Variants in CNTNAP2 observed in about 807,000 individuals in gnomAD.
CNTNAP2 encodes contactin associated protein 2.
CNTNAP2 carries 98 observed loss-of-function variants against 155.2 expected under a neutral mutation model. The observed-to-expected ratio is 0.63, with a 90% confidence interval of 0.54 to 0.75. CNTNAP2 has a LOEUF of 0.75. Ranked by LOEUF, CNTNAP2 falls within the 30% of genes least tolerant of loss-of-function variation. The pLI, the probability that CNTNAP2 is intolerant of heterozygous loss-of-function variation, is 0.00. For missense variants in CNTNAP2, 1,727 were observed against 1,688.1 expected (o/e 1.02, Z -0.40); for synonymous variants, 651 against 631.2 (o/e 1.03, Z -0.47).
intron 13 of CNTNAP2, among the ~76,000 whole-genome samples, chr7:147,764,998 G>C (rs1409389757): frequency 1.3e-5 from 2 of 152,148 alleles, no homozygotes; most frequent in East Asian, 1.9e-4. Flanking sequence ...TCATAATGCT[G>C]CTGAAGCTGG....
chr7:146,277,145 C>T (rs571662419), intron 1 of CNTNAP2, among the ~76,000 whole-genome samples: 4 of 152,074 alleles, frequency 2.6e-5, no homozygotes, highest in Non-Finnish European at 4.4e-5. Flanking sequence ...CACAAACCAA[C>T]GGAGGCCTGG....
chr7:146,368,477 G>C, intron 1 of CNTNAP2, among the ~76,000 whole-genome samples: 1 of 152,074 alleles, frequency 6.6e-6, no homozygotes, highest in East Asian at 1.9e-4. Context: ...GTTTAGAGCT[G>C]GCTCTGCCAG....
chr7:148,214,326 T>C (rs1397061956), intron 18 of CNTNAP2, among the ~76,000 whole-genome samples: 1 of 152,196 alleles, frequency 6.6e-6, no homozygotes. Flanking sequence ...GAGATGGGGT[T>C]CTCATCACAT....
intron 12 of CNTNAP2, among the ~76,000 whole-genome samples, chr7:147,564,094 C>T (rs142467273): frequency 9.2e-5 from 14 of 152,108 alleles, no homozygotes; most frequent in African/African-American, 1.4e-4. Context: ...CCTTGAGCCC[C>T]GGAGGTTCGA....
intron 4 of CNTNAP2, among the ~76,000 whole-genome samples, chr7:147,049,564 C>T (rs989474891): frequency 2.6e-4 from 39 of 152,048 alleles, no homozygotes; most frequent in African/African-American, 8.5e-4. Flanking sequence ...AGACACAGCC[C>T]CCCATTTTGG....
chr7:146,215,500 A>C (rs1175941161), intron 1 of CNTNAP2, among the ~76,000 whole-genome samples: 1 of 152,136 alleles, frequency 6.6e-6, no homozygotes, highest in Non-Finnish European at 1.5e-5. Context: ...TCACTAGATA[A>C]GTGATTCTGA....
intron 10 of CNTNAP2, among the ~76,000 whole-genome samples, chr7:147,465,964 A>G (rs1387910340): frequency 6.6e-6 from 1 of 152,244 alleles, no homozygotes; most frequent in African/African-American, 2.4e-5. Flanking sequence ...AAACATTGCC[A>G]TATTTATATC....
intron 13 of CNTNAP2, among the ~76,000 whole-genome samples, chr7:147,689,538 A>T (rs186499762): frequency 1.1e-3 from 166 of 152,220 alleles, no homozygotes; most frequent in Non-Finnish European, 2.0e-3. Context: ...CATTTGTCCG[A>T]TTTCTTTCTG....
intron 13 of CNTNAP2, among the ~76,000 whole-genome samples, chr7:147,899,892 C>CA (rs11366376): frequency 0.067 from 9,543 of 141,724 alleles, 662 homozygotes; most frequent in East Asian, 0.17. Flanking sequence ...GACTCCATCT[C>CA]AAAAAAAAAA....
At chr7:148,067,065 T>C (rs1451809606) in intron 15 of CNTNAP2, among the ~76,000 whole-genome samples, 1 of 152,224 alleles carries the variant, frequency 6.6e-6, no homozygotes, top group African/African-American at 2.4e-5. Context: ...CCTCCTTGAG[T>C]ATCTTAATAA....
At position 147,044,611 on chromosome 7, in the gene CNTNAP2, T is replaced by A. The variant is rs188526364; in HGVS notation, c.550+557T>A. ...GGTCATCTAAAGAGGTTATTTTCCC[T>A]TAAATATATTTTAAAGCTCCCTTGT... On this transcript the variant is annotated intron_variant, in intron 4 of 23. Transcript: ENST00000361727. 9.5e-4 allele frequency among the ~76,000 whole-genome samples: 145 copies of A among 152,322 alleles called. 1 individual carries two copies. The highest frequency in any genetic ancestry group is 4.9e-3 in the Admixed American group (75 of 15,294).
At chr7:148,318,913 T>C (rs1014530014) in intron 21 of CNTNAP2, among the ~76,000 whole-genome samples, 9 of 152,212 alleles carry the variant, frequency 5.9e-5, no homozygotes, top group Non-Finnish European at 1.2e-4. Flanking sequence ...TCCTATTAAC[T>C]CAGCTTACCA....
chr7:146,461,364 C>A (rs1796633480), intron 1 of CNTNAP2, among the ~76,000 whole-genome samples: 1 of 150,704 alleles, frequency 6.6e-6, no homozygotes, highest in Non-Finnish European at 1.5e-5. Context: ...AAGAGAGCAC[C>A]ACTGCAGTCT....
At chr7:146,205,880 T>G (rs1419697679) in intron 1 of CNTNAP2, among the ~76,000 whole-genome samples, 4 of 151,922 alleles carry the variant, frequency 2.6e-5, no homozygotes, top group Non-Finnish European at 5.9e-5. Context: ...GTTTTATTCT[T>G]TCTGTCTCTG....
At chr7:148,340,376 G>C (rs1798207507) in intron 21 of CNTNAP2, among the ~76,000 whole-genome samples, 1 of 152,182 alleles carries the variant, frequency 6.6e-6, no homozygotes, top group Non-Finnish European at 1.5e-5. Context: ...TACATTTAAA[G>C]TCGGTCCTGT....
At chr7:148,381,190 TTTAG>T (rs1339918780) in intron 21 of CNTNAP2, among the ~76,000 whole-genome samples, 1 of 152,196 alleles carries the variant, frequency 6.6e-6, no homozygotes, top group Non-Finnish European at 1.5e-5. Flanking sequence ...TTACAGTGCT[TTTAG>T]TTCTGCTGTC....
chr7:147,153,824 A>G (rs905593653), intron 8 of CNTNAP2, among the ~76,000 whole-genome samples: 2 of 152,176 alleles, frequency 1.3e-5, no homozygotes. Context: ...CTGTGCTAAA[A>G]GGTAGATTTT....
At chr7:148,384,940 C>A (rs1008488497) in intron 22 of CNTNAP2, among the ~76,000 whole-genome samples, 3 of 152,178 alleles carry the variant, frequency 2.0e-5, no homozygotes, top group Non-Finnish European at 4.4e-5. Context: ...TATTAATAAT[C>A]TAATATTATT....
At chr7:147,914,243 A>T (rs929963661) in intron 14 of CNTNAP2, among the ~76,000 whole-genome samples, 18 of 151,824 alleles carry the variant, frequency 1.2e-4, no homozygotes, top group Non-Finnish European at 2.2e-4. Context: ...TTCTTTTTTA[A>T]AAAAAAAATT....
Sources: gnomAD v4.1 joint callset for allele counts (sites outside exome capture counted in the v4.1 genomes callset) on GRCh38, gnomAD v4.1.1 for gene constraint, MANE v1.5 for transcripts, NCBI Gene and HGNC (gene_info 2026-07-23, HGNC 2026-07-21) for gene names.